Variants in APP observed in about 807,000 individuals in gnomAD.
APP encodes the protein amyloid-beta precursor protein.
A neutral mutation model predicts 101.4 loss-of-function variants in APP; 31 were observed. That is an observed-to-expected ratio of 0.31 (90% CI 0.23 to 0.41). The LOEUF (loss-of-function observed/expected upper bound fraction) is 0.41, where lower values mean the gene tolerates loss of function less well. Among genes scored for constraint, APP ranks in the 10% least tolerant of loss-of-function variants. The pLI is 1.00. For missense variants in APP, 839 were observed against 1,003.7 expected, an observed-to-expected ratio of 0.84 and a Z score of 2.22; for synonymous variants, 366 against 364.4, an observed-to-expected ratio of 1.00 and a Z score of -0.05.
chr21:25,953,376 G>C (rs1208670989), intron 13 of APP, among the ~76,000 whole-genome samples: 2 of 145,514 alleles, frequency 1.4e-5, no homozygotes, highest in Non-Finnish European at 3.0e-5. Context: ...AATCAGGAAA[G>C]AATGAGCAGA....
chr21:25,970,338 AT>A (rs1018362745), intron 11 of APP, among the ~76,000 whole-genome samples: 3 of 152,180 alleles, frequency 2.0e-5, no homozygotes, highest in African/African-American at 7.2e-5. Flanking sequence ...TAAAGCCTCC[AT>A]TCAGCCCTCA....
intron 14 of APP, among the ~76,000 whole-genome samples, chr21:25,910,598 C>T (rs1329330518): frequency 2.0e-5 from 3 of 152,120 alleles, no homozygotes; most frequent in East Asian, 3.8e-4. Context: ...ATAAAAGAAG[C>T]TGAAAGATAT....
chr21:26,096,103 C>T (rs991852246), intron 2 of APP, among the ~76,000 whole-genome samples: 1 of 152,214 alleles, frequency 6.6e-6, no homozygotes, highest in Non-Finnish European at 1.5e-5. Context: ...CACACTCTTA[C>T]CTAAGATCCC....
At chr21:25,975,309 C>A in intron 10 of APP, 81 bp from the exon 11 acceptor site, 1 of 1,573,324 alleles carries the variant, frequency 6.4e-7, no homozygotes, top group Non-Finnish European at 8.7e-7. Flanking sequence ...AAAAAGACAT[C>A]CTATTCCATT....
In APP at chr21:25,986,659, C is replaced by T. The variant is rs1170955998; in HGVS notation, c.1091-4182G>A. Among the ~76,000 whole-genome samples, 9 of 152,310 alleles carry T rather than the reference C, an allele frequency of 5.9e-5. No homozygotes were observed. The South Asian group carries it at 1.7e-3, about 28-fold the overall frequency. On this transcript the variant is annotated intron_variant, in intron 8 of 17. Coordinates refer to ENST00000346798, the MANE Select transcript of APP (RefSeq NM_000484.4). ...AGGTTGCGGTGAGCCGAGATCATGC[C>T]AGTGCACCCCAGTCTGGGCTACAAG...
intron 1 of APP, among the ~76,000 whole-genome samples, chr21:26,155,864 G>A (rs1310840647): frequency 6.6e-6 from 1 of 152,102 alleles, no homozygotes; most frequent in African/African-American, 2.4e-5. Context: ...GGGAGTGGTG[G>A]CGGAAGCCTG....
intron 2 of APP, among the ~76,000 whole-genome samples, chr21:26,091,308 A>G (rs954522486): frequency 6.6e-6 from 1 of 152,208 alleles, no homozygotes; most frequent in Non-Finnish European, 1.5e-5. Flanking sequence ...TCCAGGGGCT[A>G]AAGAATGTAT....
chr21:25,960,657 C>T (rs541382622), intron 11 of APP, among the ~76,000 whole-genome samples: 1 of 152,276 alleles, frequency 6.6e-6, no homozygotes, highest in Non-Finnish European at 1.5e-5. Flanking sequence ...GGCCTCAGCT[C>T]CTCCAGGGAT....
chr21:25,895,582 C>G (rs1260793555), intron 16 of APP, among the ~76,000 whole-genome samples: 1 of 152,118 alleles, frequency 6.6e-6, no homozygotes, highest in East Asian at 1.9e-4. Context: ...CTAAAAAATT[C>G]TTTCAATTTA....
chr21:25,956,106 A>G (rs2041308689), intron 11 of APP, among the ~76,000 whole-genome samples: 1 of 152,260 alleles, frequency 6.6e-6, no homozygotes, highest in Non-Finnish European at 1.5e-5. Context: ...CCCAAGGGGC[A>G]TATGTGAGAC....
rs76448906 is a variant in APP, at chr21:25,890,183, T to C, written c.2211+1539A>G. On this transcript the variant is annotated intron_variant, in intron 17 of 17. Transcript: ENST00000346798. ...TCCTTTCCACCCTGCTGCCTGCTGT[T>C]CTCTTGGTTTCCTTCCTCACACTGC... Among the ~76,000 whole-genome samples the C allele has an allele frequency of 4.0e-3, 605 of 152,270 alleles. 3 individuals are homozygous for C. The highest frequency in any genetic ancestry group is 7.5e-3 in the Non-Finnish European group (513 of 68,014).
intron 5 of APP, among the ~76,000 whole-genome samples, chr21:26,040,803 G>C (rs946672862): frequency 6.6e-6 from 1 of 151,350 alleles, no homozygotes; most frequent in African/African-American, 2.4e-5. Flanking sequence ...ACATTCTAGA[G>C]TTTAAGCTAA....
intron 1 of APP, among the ~76,000 whole-genome samples, chr21:26,132,701 G>T (rs1424145843): frequency 6.6e-6 from 1 of 152,082 alleles, no homozygotes; most frequent in African/African-American, 2.4e-5. Context: ...ATAAATACTT[G>T]ATTACTTCAA....
intron 1 of APP, among the ~76,000 whole-genome samples, chr21:26,121,864 G>A (rs1297768494): frequency 6.6e-6 from 1 of 152,084 alleles, no homozygotes; most frequent in East Asian, 1.9e-4. Context: ...TTGACCCACT[G>A]CAATGTTGAC....
intron 6 of APP, among the ~76,000 whole-genome samples, chr21:26,004,111 AAAGTATGAAT>A (rs1162520783): frequency 1.3e-5 from 2 of 152,154 alleles, no homozygotes; most frequent in African/African-American, 4.8e-5. Flanking sequence ...GCTTTTACAC[AAAGTATGAAT>A]AAGCACACAA....
intron 5 of APP, among the ~76,000 whole-genome samples, chr21:26,029,568 C>T (rs1345792730): frequency 6.6e-6 from 1 of 151,956 alleles, no homozygotes; most frequent in Non-Finnish European, 1.5e-5. Context: ...GATAGCTCTC[C>T]ACTAGGCAGG....
intron 1 of APP, among the ~76,000 whole-genome samples, chr21:26,156,287 G>A (rs1239182501): frequency 6.6e-6 from 1 of 152,118 alleles, no homozygotes; most frequent in Non-Finnish European, 1.5e-5. Context: ...TAGGAACGTT[G>A]CAACTAATTT....
intron 5 of APP, among the ~76,000 whole-genome samples, chr21:26,029,724 CG>C (rs1229197358): frequency 5.9e-5 from 9 of 152,070 alleles, no homozygotes; most frequent in Admixed American, 5.9e-4. Context: ...AACTGCAACC[CG>C]CAACTTGTTC....
intron 12 of APP, 117 bp downstream of exon 12, chr21:25,955,510 T>C: frequency 6.9e-7 from 1 of 1,446,208 alleles, no homozygotes; most frequent in Non-Finnish European, 9.6e-7. Context: ...AAAGAGCTCT[T>C]GCCATAGGGA....
Sources: gnomAD v4.1 joint callset for allele counts (sites outside exome capture counted in the v4.1 genomes callset) on GRCh38, gnomAD v4.1.1 for gene constraint, MANE v1.5 for transcripts, NCBI Gene and HGNC (gene_info 2026-07-23, HGNC 2026-07-21) for gene names.